Variants in KSR2 observed in about 807,000 individuals in gnomAD.
KSR2 encodes the protein kinase suppressor of ras 2.
Under a neutral mutation model 107.8 loss-of-function variants are expected in KSR2, and 25 were observed. The observed-to-expected ratio is 0.23, with a 90% CI of 0.17 to 0.32. The LOEUF is 0.32. Ranked by LOEUF, KSR2 falls within the 10% of genes least tolerant of loss-of-function variation. KSR2 has a pLI of 1.00. For missense variants in KSR2, 887 were observed against 1,268.9 expected (o/e 0.70, Z 4.57); for synonymous variants, 480 against 507.0 (o/e 0.95, Z 0.71).
chr12:117,720,179 G>C (rs1887151552), intron 4 of KSR2, among the ~76,000 whole-genome samples: 2 of 152,258 alleles, frequency 1.3e-5, no homozygotes, highest in African/African-American at 4.8e-5. Flanking sequence ...GGCATGCCCT[G>C]ATTGGGCACA....
At chr12:117,485,742 T>C (rs1592918420) in intron 14 of KSR2, 51 bp from the exon 15 acceptor site, 2 of 1,287,332 alleles carry the variant, frequency 1.6e-6, no homozygotes, top group South Asian at 2.4e-5. Flanking sequence ...CAGAAGAAGG[T>C]GACCCACAAC....
chr12:117,856,386 T>C (rs1378408500), intron 2 of KSR2, among the ~76,000 whole-genome samples: 1 of 152,242 alleles, frequency 6.6e-6, no homozygotes, highest in Non-Finnish European at 1.5e-5. Context: ...TCTGTATGTA[T>C]ATATGAGTCT....
chr12:117,765,607 C>CA (rs540155440), intron 3 of KSR2, among the ~76,000 whole-genome samples: 169 of 151,904 alleles, frequency 1.1e-3, no homozygotes, highest in African/African-American at 3.6e-3. Flanking sequence ...CACACACACT[C>CA]AAAAAAAACC....
intron 1 of KSR2, among the ~76,000 whole-genome samples, chr12:117,915,749 G>A (rs1046721841): frequency 6.6e-6 from 1 of 151,994 alleles, no homozygotes; most frequent in African/African-American, 2.4e-5. Flanking sequence ...CCTCCACCTT[G>A]AAGCCTTCTC....
At chr12:117,571,502 T>C (rs1878894010) in intron 7 of KSR2, among the ~76,000 whole-genome samples, 4 of 152,086 alleles carry the variant, frequency 2.6e-5, no homozygotes, top group African/African-American at 9.7e-5. Flanking sequence ...TAGTCTCAGG[T>C]ACCTGGGTGA....
At chr12:117,490,452 G>A (rs181514162) in intron 14 of KSR2, among the ~76,000 whole-genome samples, 4 of 152,290 alleles carry the variant, frequency 2.6e-5, no homozygotes, top group Admixed American at 2.0e-4. Flanking sequence ...GCTGTATCTC[G>A]TTGATTCCAA....
At chr12:117,749,819 G>A (rs369961074) in intron 4 of KSR2, among the ~76,000 whole-genome samples, 1 of 152,158 alleles carries the variant, frequency 6.6e-6, no homozygotes, top group East Asian at 1.9e-4. Flanking sequence ...GGGGATTGTG[G>A]CATGGTCTTA....
At chr12:117,556,849 T>C (rs1877735476) in intron 8 of KSR2, among the ~76,000 whole-genome samples, 1 of 152,074 alleles carries the variant, frequency 6.6e-6, no homozygotes, top group South Asian at 2.1e-4. Context: ...TTTAAAAGAT[T>C]TTAATAAACT....
At chr12:117,551,484 A>C (rs1014817202) in intron 9 of KSR2, among the ~76,000 whole-genome samples, 1 of 152,220 alleles carries the variant, frequency 6.6e-6, no homozygotes, top group Admixed American at 6.5e-5. Context: ...TAAGGCAGAC[A>C]GATCTTGAGA....
intron 4 of KSR2, among the ~76,000 whole-genome samples, chr12:117,690,057 G>A (rs1443539153): frequency 6.6e-6 from 1 of 151,942 alleles, no homozygotes; most frequent in Non-Finnish European, 1.5e-5. Context: ...GAGGGAAGGA[G>A]GGAAGAAGAC....
rs1350422445 is a variant in KSR2 at position 117,598,071 on chromosome 12, T to C, written c.1172-15712A>G. 4.6e-5 allele frequency among the ~76,000 whole-genome samples: 7 copies of C among 152,196 alleles called. No individual in the cohort carries two copies. In the South Asian group the frequency reaches 1.5e-3, roughly 32 times the overall value. ...TTCTTTAATGGTGATTTCTAGAATT[T>C]GGTGCACCCATCACCCAAGCAGTGG... On this transcript the variant is annotated intron_variant, in intron 5 of 19. Coordinates refer to ENST00000339824, the MANE Select transcript of KSR2 (RefSeq NM_173598.6).
intron 2 of KSR2, 51 bp from the exon 3 acceptor site, chr12:117,855,629 G>C (rs1367377693): frequency 5.0e-6 from 8 of 1,586,000 alleles, no homozygotes; most frequent in African/African-American, 2.7e-5. Context: ...CAGCATCTCT[G>C]CCTCCACGCT....
At chr12:117,753,708 T>C (rs2136836001) in intron 4 of KSR2, among the ~76,000 whole-genome samples, 1 of 151,866 alleles carries the variant, frequency 6.6e-6, no homozygotes, top group South Asian at 2.1e-4. Context: ...AAATAACTTA[T>C]GGCTACTAGG....
chr12:117,854,894 C>T (rs76802395), intron 3 of KSR2, among the ~76,000 whole-genome samples: 1 of 151,504 alleles, frequency 6.6e-6, no homozygotes, highest in Admixed American at 6.6e-5. Context: ...AAAATTTAAG[C>T]AATATGTGTG....
intron 3 of KSR2, among the ~76,000 whole-genome samples, chr12:117,794,169 TGC>T (rs1255373808): frequency 2.9e-5 from 3 of 105,000 alleles, no homozygotes; most frequent in African/African-American, 3.8e-5. Flanking sequence ...TACACCAACA[TGC>T]GCACACACCA....
chr12:117,645,512 C>G (rs945066197), intron 5 of KSR2, among the ~76,000 whole-genome samples: 17 of 152,314 alleles, frequency 1.1e-4, no homozygotes, highest in African/African-American at 4.1e-4. Flanking sequence ...GAAATCATCT[C>G]CTCACTATAG....
intron 5 of KSR2, among the ~76,000 whole-genome samples, chr12:117,623,110 A>G (rs576527807): frequency 6.6e-6 from 1 of 152,380 alleles, no homozygotes; most frequent in East Asian, 1.9e-4. Flanking sequence ...TTTAAATTTC[A>G]TAATGCAAAT....
intron 4 of KSR2, among the ~76,000 whole-genome samples, chr12:117,669,289 G>A (rs1473111779): frequency 1.3e-5 from 2 of 152,156 alleles, no homozygotes; most frequent in Non-Finnish European, 2.9e-5. Flanking sequence ...GTATCCATCA[G>A]AGTTAAGCTT....
intron 5 of KSR2, among the ~76,000 whole-genome samples, chr12:117,653,789 G>C (rs1884002383): frequency 6.6e-6 from 1 of 152,220 alleles, no homozygotes; most frequent in Admixed American, 6.5e-5. Context: ...CCTCATTTGG[G>C]TGTGTTACTC....
Sources: gnomAD v4.1 joint callset for allele counts (sites outside exome capture counted in the v4.1 genomes callset) on GRCh38, gnomAD v4.1.1 for gene constraint, MANE v1.5 for transcripts, NCBI Gene and HGNC (gene_info 2026-07-23, HGNC 2026-07-21) for gene names.